Variants in MYO5C observed in about 807,000 individuals in gnomAD.
MYO5C encodes myosin VC, also known as unconventional myosin-Vc.
MYO5C carries 194 observed loss-of-function variants against 235.7 expected under a neutral mutation model. The observed-to-expected ratio is 0.82, with a 90% confidence interval of 0.73 to 0.93. MYO5C has a LOEUF of 0.93. Ranked by LOEUF, MYO5C falls within the 40% of genes least tolerant of loss-of-function variation. The pLI is 0.00. For missense variants in MYO5C, 2,038 were observed against 2,127.2 expected (o/e 0.96, Z 0.82); for synonymous variants, 707 against 754.8 (o/e 0.94, Z 1.04).
rs374189950 is a variant in MYO5C at position 52,260,986 on chromosome 15, C to T, written c.1189G>A (p.Ala397Thr). The T allele has an allele frequency of 1.1e-5, 18 of 1,614,104 alleles. No individual in the cohort carries two copies. Among genetic ancestry groups the T allele is most frequent in the Non-Finnish European group, 1.5e-5 (18 of 1,180,046 alleles). Residue 397 changes from alanine (A) to threonine (T), a missense_variant, in exon 10 of 41, where the codon GCC becomes ACC. Ala to Thr is a moderately conservative substitution (Grantham distance 58). Transcript: ENST00000261839. Reference sequence around the variant, plus strand: ...ATCTTTTTGGCCAGTGCATCCCTGGCGTTGACAGCCTGAGGCCTGGTCATG... The same window carrying T: ...ATCTTTTTGGCCAGTGCATCCCTGGTGTTGACAGCCTGAGGCCTGGTCATG... ...KPMTRPQAVN[A>T]RDALAKKIYA...
intron 38 of MYO5C, among the ~76,000 whole-genome samples, 161 bp downstream of exon 38, chr15:52,204,704 G>A (rs978835951): frequency 6.6e-6 from 1 of 152,112 alleles, no homozygotes; most frequent in East Asian, 1.9e-4. Flanking sequence ...CTGGGCGCCA[G>A]CATCCCGGGG....
intron 1 of MYO5C, among the ~76,000 whole-genome samples, chr15:52,288,505 T>C (rs2140872106): frequency 6.6e-6 from 1 of 152,340 alleles, no homozygotes; most frequent in East Asian, 1.9e-4. Context: ...TTGAGTGCCC[T>C]GCAGCTGAAA....
intron 1 of MYO5C, among the ~76,000 whole-genome samples, chr15:52,286,058 T>G (rs2037259970): frequency 1.4e-5 from 2 of 145,080 alleles, no homozygotes; most frequent in South Asian, 2.3e-4. Flanking sequence ...CCGTCTGGGA[T>G]GTGAGGAGCG....
intron 1 of MYO5C, among the ~76,000 whole-genome samples, chr15:52,290,743 C>T (rs1319890440): frequency 6.6e-6 from 1 of 151,752 alleles, no homozygotes; most frequent in East Asian, 1.9e-4. Flanking sequence ...ATCAAACAAG[C>T]AGATGAAATG....
intron 19 of MYO5C, chr15:52,243,512 G>A (rs980636461): frequency 1.3e-5 from 2 of 152,378 alleles, no homozygotes; most frequent in African/African-American, 4.8e-5. Context: ...TGTGATCCAT[G>A]CCACACCACG....
chr15:52,269,971 C>T, intron 7 of MYO5C, 111 bp from the exon 8 acceptor site: 2 of 753,482 alleles, frequency 2.7e-6, no homozygotes, highest in Admixed American at 2.0e-5. Flanking sequence ...GCACTTTACA[C>T]AGTTTATTCC....
chr15:52,225,935 A>C (rs2035812119), intron 25 of MYO5C, among the ~76,000 whole-genome samples: 1 of 152,122 alleles, frequency 6.6e-6, no homozygotes, highest in African/African-American at 2.4e-5. Flanking sequence ...CTGTAATCCT[A>C]GCTACTTGGG....
intron 1 of MYO5C, among the ~76,000 whole-genome samples, chr15:52,289,872 G>A (rs1379528672): frequency 1.3e-5 from 2 of 152,166 alleles, no homozygotes; most frequent in African/African-American, 4.8e-5. Context: ...TCTGCCTGTG[G>A]CCACCCAAAA....
chr15:52,293,930 C>A (rs79464536), intron 1 of MYO5C, among the ~76,000 whole-genome samples: 1 of 152,216 alleles, frequency 6.6e-6, no homozygotes, highest in Admixed American at 6.5e-5. Flanking sequence ...CCAGAACAGA[C>A]AAAATGGGGG....
intron 25 of MYO5C, among the ~76,000 whole-genome samples, chr15:52,227,013 G>A (rs1306625237): frequency 1.3e-5 from 2 of 151,728 alleles, no homozygotes; most frequent in African/African-American, 4.8e-5. Flanking sequence ...TTAGCCAGGT[G>A]TGGTGGCAGA....
chr15:52,225,009 T>C (rs776110329), intron 27 of MYO5C, 28 bp from the exon 28 acceptor site: 9 of 1,613,442 alleles, frequency 5.6e-6, no homozygotes, highest in Non-Finnish European at 7.6e-6. Context: ...TAAGAAAATC[T>C]ATCATCTCTG....
intron 11 of MYO5C, 50 bp downstream of exon 11, chr15:52,256,589 G>GCGCGCGCA (rs1555417670): frequency 2.8e-4 from 119 of 418,260 alleles, no homozygotes; most frequent in Admixed American, 9.4e-4. Context: ...ACACACACAC[G>GCGCGCGCA]CGCGCGCGCG....
At position 52,229,292 on chromosome 15, in the gene MYO5C, T is replaced by C. The variant is rs1176537230; in HGVS notation, c.3048A>G (p.Glu1016=). 5.0e-6 allele frequency: 8 copies of C among 1,613,614 alleles called. No individual in the cohort carries two copies. The African/African-American group carries it at 5.4e-5, about 11-fold the overall frequency. Reference sequence around the variant, plus strand: ...GCTTCTCATAGTCTTGTGTTTTCAGTTCAAAACTTTTTTCAAGAAGCCTAC... The same window carrying C: ...GCTTCTCATAGTCTTGTGTTTTCAGCTCAAAACTTTTTTCAAGAAGCCTAC... The part of the protein sequence containing the change: ...RQRMLLEKSF[E]LKTQDYEKQI... The change falls in exon 25 of 41, where the codon GAA becomes GAG. Residue 1016 remains glutamate (E), a synonymous_variant. Transcript: ENST00000261839.
chr15:52,271,864 C>G lies in MYO5C; in HGVS notation c.751-20G>C. On this transcript the variant is annotated intron_variant, in intron 6 of 40. Coordinates refer to ENST00000261839, the MANE Select transcript of MYO5C (RefSeq NM_018728.4). ...TTCCGACTGTAAGATAAAGAAATGT[C>G]CTCAAAATTACACCAAATCCTTACA... is the stretch of plus-strand genomic sequence containing the variant. 1 of 1,535,872 alleles carries G rather than the reference C, an allele frequency of 6.5e-7. No homozygotes were observed. The highest frequency in any genetic ancestry group is 1.2e-5 in the South Asian group (1 of 84,918).
At chr15:52,213,871 C>T (rs139018513) in intron 33 of MYO5C, among the ~76,000 whole-genome samples, 21 of 152,210 alleles carry the variant, frequency 1.4e-4, no homozygotes, top group African/African-American at 4.6e-4. Context: ...GCCCTGCTCT[C>T]ATGGGGCAGA....
Position 52,225,506 on chromosome 15 carries a change from T to G in MYO5C, c.3234A>C (p.Ile1078=), listed in dbSNP as rs772028607. Residue 1078 remains isoleucine, a synonymous_variant, in exon 26 of 41, where the codon ATA becomes ATC. Coordinates refer to ENST00000261839, the MANE Select transcript of MYO5C (RefSeq NM_018728.4). Reference sequence around the variant, plus strand: ...CTATCTTCTGTGCCTGAAGTAGTTCTATCTCTTTTTCGAACTCAGAGATTG... The same window carrying G: ...CTATCTTCTGTGCCTGAAGTAGTTCGATCTCTTTTTCGAACTCAGAGATTG... ...VKTISEFEKE[I]ELLQAQKIDV... 6.2e-7 allele frequency: 1 copy of G among 1,613,512 alleles called. No individual in the cohort carries two copies. Among genetic ancestry groups the G allele is most frequent in the South Asian group, 1.1e-5 (1 of 91,082 alleles).
chr15:52,271,775 G>A lies in MYO5C; in HGVS notation c.820C>T (p.His274Tyr). ...CASAQQSEFKHLKLGSAEEFN... is the reference protein window; with the variant it reads ...CASAQQSEFKYLKLGSAEEFN... ...ATCCATCACATACCCAATTTAAGAT[G>A]TTTAAATTCCGACTGCTGTGCAGAT... The change falls in exon 7 of 41, where the codon CAT becomes TAT. Residue 274 changes from histidine (H) to tyrosine (Y), a missense_variant. His to Tyr is a moderately conservative substitution (Grantham distance 83, BLOSUM62 2). Coordinates refer to ENST00000261839, the MANE Select transcript of MYO5C (RefSeq NM_018728.4). The A allele has an allele frequency of 1.3e-6, 2 of 1,544,654 alleles. No homozygotes were observed. The highest frequency in any genetic ancestry group is 8.8e-7 in the Non-Finnish European group (1 of 1,133,900).
intron 35 of MYO5C, 46 bp downstream of exon 35, chr15:52,211,676 CTGGTCATT>C: frequency 6.4e-7 from 1 of 1,566,262 alleles, no homozygotes; most frequent in Non-Finnish European, 8.7e-7. Context: ...GACTGGGCAT[CTGGTCATT>C]CCCATAGATG....
At chr15:52,266,804 T>C (rs74015655) in intron 8 of MYO5C, among the ~76,000 whole-genome samples, 179 of 152,340 alleles carry the variant, frequency 1.2e-3, no homozygotes, top group African/African-American at 4.2e-3. Flanking sequence ...GATGACCTCG[T>C]GCAAGGTGAA....
Sources: allele counts gnomAD v4.1 joint callset (sites outside exome capture counted in the v4.1 genomes callset), GRCh38; gene constraint gnomAD v4.1.1; transcripts MANE v1.5; gene names NCBI Gene and HGNC (gene_info 2026-07-23, HGNC 2026-07-21).